NF1: variants seen among roughly 807,000 people sequenced by gnomAD.
NF1 encodes the protein neurofibromin.
In NF1, 122 loss-of-function variants were observed where a neutral mutation model predicts 325.7. The ratio of observed to expected loss-of-function variants is 0.37; its 90% CI spans 0.32 to 0.44. The LOEUF is 0.44. NF1 is among the 20% of genes least tolerant of loss of function. The probability of loss-of-function intolerance (pLI) is 1.00; values close to 1 mark genes in which losing one functional copy is unlikely to be tolerated. For synonymous variants in NF1, 1,091 were observed against 1,186.0 expected, an observed-to-expected ratio of 0.92 and a Z score of 1.65; for missense variants, 2,140 against 3,415.4, an observed-to-expected ratio of 0.63 and a Z score of 9.31.
intron 1 of NF1, among the ~76,000 whole-genome samples, chr17:31,127,420 A>G (rs1914977108): frequency 6.6e-6 from 1 of 152,018 alleles, no homozygotes; most frequent in South Asian, 2.1e-4. Context: ...TATTTATTTT[A>G]TGTTTTAAAA....
chr17:31,365,517 G>T (rs999128753), intron 57 of NF1, among the ~76,000 whole-genome samples: 1 of 152,056 alleles, frequency 6.6e-6, no homozygotes, highest in Middle Eastern at 3.4e-3. Context: ...ATTTCCTTCC[G>T]ATCCATGTTG....
intron 57 of NF1, among the ~76,000 whole-genome samples, chr17:31,367,067 T>C (rs2070538454): frequency 6.6e-6 from 1 of 152,178 alleles, no homozygotes; most frequent in Non-Finnish European, 1.5e-5. Flanking sequence ...CCAACTGTAA[T>C]ATTTAGGAAA....
chr17:31,352,224 AATTG>A, intron 50 of NF1, 29 bp from the exon 51 acceptor site: 1 of 1,600,778 alleles, frequency 6.2e-7, no homozygotes, highest in Non-Finnish European at 8.6e-7. Flanking sequence ...TCACCATATT[AATTG>A]ATTTTTCTCT....
At chr17:31,163,697 T>C (rs994075857) in intron 4 of NF1, among the ~76,000 whole-genome samples, 9 of 152,190 alleles carry the variant, frequency 5.9e-5, no homozygotes, top group African/African-American at 2.2e-4. Context: ...AAATTTCAGA[T>C]AAAAATATCT....
intron 1 of NF1, among the ~76,000 whole-genome samples, chr17:31,148,901 A>G (rs1231215922): frequency 6.6e-6 from 1 of 152,190 alleles, no homozygotes; most frequent in African/African-American, 2.4e-5. Context: ...AATGAAATCT[A>G]CAAAAACAAT....
intron 36 of NF1, among the ~76,000 whole-genome samples, chr17:31,286,448 A>C (rs2068229509): frequency 6.6e-6 from 1 of 152,156 alleles, no homozygotes; most frequent in African/African-American, 2.4e-5. Context: ...GCTCATACTT[A>C]ATGACCTGCA....
Position 31,357,513 on chromosome 17 carries a change from G to A in NF1, c.7970+144G>A, listed in dbSNP as rs1597867164. On this transcript the variant is annotated intron_variant, in intron 54 of 57. Transcript: ENST00000358273. ...GCTTTGAGACAGTAGGTTTAATGAG[G>A]GTTAAGATTAGTTTTGACCTACTAG... 4.2e-6 allele frequency: 3 copies of A among 714,544 alleles called. No homozygotes were observed. In the East Asian group the frequency reaches 8.1e-5, roughly 19 times the overall value. 44.3% of individuals were successfully genotyped at this position (714,544 alleles called of 1,614,324 possible). A position where few individuals can be genotyped will look rare whatever the true frequency, so the allele number is the denominator to read the frequency against.
In NF1 at chr17:31,260,445, A is replaced by C. The variant is rs1555618837; in HGVS notation, c.4507A>C (p.Asn1503His). The change falls in exon 34 of 58, where the codon AAT (asparagine) becomes CAT (histidine). Residue 1503 changes from asparagine (N) to histidine (H), a missense_variant. Transcript: ENST00000358273. ...TAGTCTTTCCTTCATAAGTGACGGC[A>C]ATGTGCTTGCTTTACATCGTCTACT... ...NHSLSFISDG[N>H]VLALHRLLWN... 4 of 1,614,076 alleles carry C rather than the reference A, an allele frequency of 2.5e-6. No individual in the cohort carries two copies. The highest frequency in any genetic ancestry group is 3.4e-6 in the Non-Finnish European group (4 of 1,179,966).
chr17:31,138,561 G>A, intron 1 of NF1: 1 of 151,750 alleles, frequency 6.6e-6, no homozygotes, highest in Non-Finnish European at 1.5e-5. Flanking sequence ...ACTGCACCTG[G>A]CCTGCTCTCT....
intron 1 of NF1, among the ~76,000 whole-genome samples, chr17:31,106,529 TAA>T: frequency 6.6e-6 from 1 of 152,334 alleles, no homozygotes; most frequent in South Asian, 2.1e-4. Context: ...TAAATAGTTT[TAA>T]AAGTCTAAAT....
At chr17:31,146,796 G>A (rs1375414585) in intron 1 of NF1, among the ~76,000 whole-genome samples, 2 of 152,192 alleles carry the variant, frequency 1.3e-5, no homozygotes, top group African/African-American at 2.4e-5. Flanking sequence ...GAATTGCGGT[G>A]GCTGATGTGT....
At chr17:31,190,582 C>T (rs1053632389) in intron 8 of NF1, among the ~76,000 whole-genome samples, 15 of 152,174 alleles carry the variant, frequency 9.9e-5, no homozygotes, top group African/African-American at 3.4e-4. Context: ...TCAGCCATTT[C>T]ACTGAATGGG....
rs2070736916 is a variant in NF1, at chr17:31,376,769, G to GAAACTTGTTAAAGAGGA, written c.*2616_*2617insACTTGTTAAAGAGGAAA. Reference sequence around the variant, plus strand: ...CCTGACTTGTTAAAGAGGAAACCAGGAACTCAGTCATGTTTTTGTCCTGGA... The same window carrying GAAACTTGTTAAAGAGGA: ...CCTGACTTGTTAAAGAGGAAACCAGGAAACTTGTTAAAGAGGAAACTCAGTCATGTTTTTGTCCTGGA... On this transcript the variant is annotated 3_prime_UTR_variant, in exon 58 of 58. Coordinates refer to ENST00000358273, the MANE Select transcript of NF1 (RefSeq NM_001042492.3). 4.3e-6 allele frequency: 1 copy of GAAACTTGTTAAAGAGGA among 233,140 alleles called. No individual in the cohort carries two copies. The highest frequency in any genetic ancestry group is 8.5e-6 in the Non-Finnish European group (1 of 118,014). 14.4% of individuals were successfully genotyped at this position (233,140 alleles called of 1,614,324 possible).
chr17:31,197,856 A>T (rs2066461686), intron 8 of NF1, among the ~76,000 whole-genome samples: 1 of 152,210 alleles, frequency 6.6e-6, no homozygotes, highest in Non-Finnish European at 1.5e-5. Flanking sequence ...AAGAAGAAAA[A>T]GTGGGCATCC....
At chr17:31,302,503 G>A (rs1323511749) in intron 36 of NF1, among the ~76,000 whole-genome samples, 1 of 152,066 alleles carries the variant, frequency 6.6e-6, no homozygotes, top group Non-Finnish European at 1.5e-5. Flanking sequence ...AGAATAATAG[G>A]AAATTCTCAA....
intron 54 of NF1, chr17:31,357,797 C>G: frequency 5.1e-6 from 1 of 197,174 alleles, no homozygotes; most frequent in Non-Finnish European, 1.0e-5. Context: ...ATATTAACCT[C>G]AAAGTGTTCA....
intron 12 of NF1, among the ~76,000 whole-genome samples, chr17:31,210,420 T>G (rs1006143223): frequency 2.0e-5 from 3 of 151,986 alleles, no homozygotes; most frequent in African/African-American, 7.3e-5. Flanking sequence ...TTGTCTCTAC[T>G]AAAAATGCAA....
intron 8 of NF1, among the ~76,000 whole-genome samples, chr17:31,185,462 G>A (rs898561153): frequency 6.6e-6 from 1 of 152,202 alleles, no homozygotes; most frequent in East Asian, 1.9e-4. Flanking sequence ...TTGGTGAGAC[G>A]TTTGGGTGCC....
chr17:31,227,098 T>C, intron 18 of NF1, 120 bp from the exon 19 acceptor site: 1 of 1,051,996 alleles, frequency 9.5e-7, no homozygotes, highest in Admixed American at 1.7e-5. Flanking sequence ...AGTTTTTGGC[T>C]TTATCATTTG....
Sources: allele counts gnomAD v4.1 joint callset (sites outside exome capture counted in the v4.1 genomes callset), GRCh38; gene constraint gnomAD v4.1.1; transcripts MANE v1.5; gene names NCBI Gene and HGNC (gene_info 2026-07-23, HGNC 2026-07-21).